Variants in TACR1 observed in about 807,000 individuals in gnomAD.
TACR1 encodes tachykinin receptor 1, also known as substance-P receptor.
TACR1 carries 25 observed loss-of-function variants against 35.8 expected under a neutral mutation model. The ratio of observed to expected loss-of-function variants is 0.70; its 90% CI spans 0.51 to 0.98. TACR1 has a LOEUF of 0.98. Ranked by LOEUF, TACR1 falls within the 50% of genes least tolerant of loss-of-function variation. TACR1 has a pLI of 0.00. For synonymous variants in TACR1, 195 were observed against 206.7 expected (o/e 0.94, Z 0.48); for missense variants, 478 against 522.9 (o/e 0.91, Z 0.84).
intron 2 of TACR1, among the ~76,000 whole-genome samples, chr2:75,091,078 G>T (rs1259115257): frequency 1.3e-5 from 2 of 151,344 alleles, no homozygotes; most frequent in African/African-American, 4.8e-5. Flanking sequence ...TTCATTCTTG[G>T]CTCGGTTTGC....
At chr2:75,165,333 A>G (rs571023033) in intron 1 of TACR1, among the ~76,000 whole-genome samples, 3 of 151,912 alleles carry the variant, frequency 2.0e-5, no homozygotes, top group East Asian at 3.9e-4. Context: ...TTTTTGAGAC[A>G]GAGTCTCGCT....
In TACR1 at chr2:75,065,244, C is replaced by T. The variant is rs1009065340; in HGVS notation, c.585-11489G>A. On this transcript the variant is annotated intron_variant, in intron 2 of 4. Transcript: ENST00000305249. ...CGAATTCATTACACACCACACAGTG[C>T]CCACCTCCCAACCCCTACATTCCTT... 2.6e-5 allele frequency among the ~76,000 whole-genome samples: 4 copies of T among 152,240 alleles called. No individual in the cohort carries two copies. In the South Asian group the frequency reaches 6.2e-4, roughly 24 times the overall value.
chr2:75,174,414 G>A (rs66833532), intron 1 of TACR1, among the ~76,000 whole-genome samples: 9,572 of 152,116 alleles, frequency 0.063, 359 homozygotes, highest in African/African-American at 0.097. Flanking sequence ...AGTGACTAAC[G>A]GTAGGTAGCA....
At chr2:75,049,760 A>G in intron 4 of TACR1, 37 bp from the exon 5 acceptor site, 1 of 1,590,844 alleles carries the variant, frequency 6.3e-7, no homozygotes, top group South Asian at 1.1e-5. Context: ...ACCCTTTGGG[A>G]CGGCCTGCTC....
intron 2 of TACR1, among the ~76,000 whole-genome samples, chr2:75,105,403 T>C (rs1287678639): frequency 2.6e-5 from 4 of 151,956 alleles, no homozygotes; most frequent in Non-Finnish European, 5.9e-5. Flanking sequence ...GAGATGTTGG[T>C]CAAAGGGCAC....
intron 2 of TACR1, among the ~76,000 whole-genome samples, chr2:75,084,671 G>A (rs1419335841): frequency 6.6e-6 from 1 of 151,970 alleles, no homozygotes; most frequent in Non-Finnish European, 1.5e-5. Flanking sequence ...TGTATGTGTC[G>A]AGGAATTTAT....
At chr2:75,183,963 G>T (rs546286545) in intron 1 of TACR1, among the ~76,000 whole-genome samples, 1 of 152,134 alleles carries the variant, frequency 6.6e-6, no homozygotes, top group Admixed American at 6.5e-5. Flanking sequence ...ACTGAAGTTC[G>T]CTTATTTCAG....
At chr2:75,105,006 A>G (rs1181687527) in intron 2 of TACR1, among the ~76,000 whole-genome samples, 1 of 152,124 alleles carries the variant, frequency 6.6e-6, no homozygotes, top group East Asian at 1.9e-4. Context: ...AAATAGAAAT[A>G]TCATATGGTT....
At chr2:75,125,340 T>A (rs968749151) in intron 1 of TACR1, among the ~76,000 whole-genome samples, 3 of 152,006 alleles carry the variant, frequency 2.0e-5, no homozygotes, top group Non-Finnish European at 4.4e-5. Context: ...CCTGCCACCA[T>A]GCCTAGCTAA....
chr2:75,102,247 A>G (rs1336843607), intron 2 of TACR1, among the ~76,000 whole-genome samples: 4 of 152,230 alleles, frequency 2.6e-5, no homozygotes, highest in Admixed American at 6.5e-5. Flanking sequence ...CCCATAGGTG[A>G]CTGCAGACAT....
chr2:75,073,140 G>A (rs565374052), intron 2 of TACR1, among the ~76,000 whole-genome samples: 1 of 152,316 alleles, frequency 6.6e-6, no homozygotes, highest in African/African-American at 2.4e-5. Context: ...GGAAACCCCT[G>A]AGAATCTATA....
chr2:75,122,257 C>T (rs963087952), intron 1 of TACR1, among the ~76,000 whole-genome samples: 1 of 152,146 alleles, frequency 6.6e-6, no homozygotes, highest in African/African-American at 2.4e-5. Context: ...GACAGGTGTG[C>T]TGGATTTGGG....
intron 1 of TACR1, chr2:75,187,978 A>G (rs1029697809): frequency 1.3e-5 from 2 of 152,198 alleles, no homozygotes; most frequent in African/African-American, 2.4e-5. Flanking sequence ...AAGAGAAAAG[A>G]ACTTCAGGAA....
intron 2 of TACR1, among the ~76,000 whole-genome samples, chr2:75,064,109 C>G (rs1672723715): frequency 6.6e-6 from 1 of 150,660 alleles, no homozygotes; most frequent in Non-Finnish European, 1.5e-5. Context: ...AAAAAAGGTT[C>G]TGAAAAGGGT....
intron 2 of TACR1, among the ~76,000 whole-genome samples, chr2:75,068,134 ATTTAT>A (rs1393461283): frequency 6.6e-6 from 1 of 152,186 alleles, no homozygotes; most frequent in Non-Finnish European, 1.5e-5. Flanking sequence ...ATTGAGATTT[ATTTAT>A]TTTAAGAACT....
chr2:75,078,769 C>T (rs928209646), intron 2 of TACR1, among the ~76,000 whole-genome samples: 3 of 146,042 alleles, frequency 2.1e-5, no homozygotes, highest in Non-Finnish European at 3.0e-5. Flanking sequence ...ATGGATATTC[C>T]AGGTTTATTT....
chr2:75,198,251 A>G (rs1315822702), intron 1 of TACR1, among the ~76,000 whole-genome samples: 1 of 152,222 alleles, frequency 6.6e-6, no homozygotes, highest in Non-Finnish European at 1.5e-5. Flanking sequence ...AGCAAAGCAG[A>G]AGTTGAAAGT....
chr2:75,148,633 A>T lies in TACR1; in HGVS notation c.390-27865T>A, dbSNP rs953949955. On this transcript the variant is annotated intron_variant, in intron 1 of 4. Transcript: ENST00000305249. ...ATTCTGGATATTAGACCTTTGTCAG[A>T]TGGGTAGATTGCAAAAATTTTCTCC... Among the ~76,000 whole-genome samples the T allele has an allele frequency of 3.3e-5, 5 of 152,218 alleles. 1 individual carries two copies. In the South Asian group the frequency reaches 1.0e-3, roughly 32 times the overall value.
At chr2:75,178,567 C>T (rs1241657149) in intron 1 of TACR1, among the ~76,000 whole-genome samples, 1 of 152,118 alleles carries the variant, frequency 6.6e-6, no homozygotes, top group Admixed American at 6.6e-5. Flanking sequence ...AATCAATGAC[C>T]TTTCTACCTA....
Sources: allele counts gnomAD v4.1 joint callset (sites outside exome capture counted in the v4.1 genomes callset), GRCh38; gene constraint gnomAD v4.1.1; transcripts MANE v1.5; gene names NCBI Gene and HGNC (gene_info 2026-07-23, HGNC 2026-07-21).